Variants in METTL13 observed in about 807,000 individuals in gnomAD.
The protein encoded by METTL13 is methyltransferase 13, eEF1A N-terminus and K55, also known as eEF1A lysine and N-terminal methyltransferase.
Under a neutral mutation model 67.4 loss-of-function variants are expected in METTL13, and 52 were observed. The ratio of observed to expected loss-of-function variants is 0.77; its 90% confidence interval spans 0.62 to 0.97. The LOEUF is 0.97. Ranked by LOEUF, METTL13 falls within the 50% of genes least tolerant of loss-of-function variation. METTL13 has a pLI of 0.00. For synonymous variants in METTL13, 354 were observed against 353.6 expected (o/e 1.00, Z -0.01); for missense variants, 825 against 889.6 (o/e 0.93, Z 0.92).
Position 171,796,551 on chromosome 1 carries a change from C to T in METTL13, c.1895C>T (p.Ala632Val). 6.2e-7 allele frequency: 1 copy of T among 1,614,176 alleles called. No individual in the cohort carries two copies. Among genetic ancestry groups the T allele is most frequent in the Non-Finnish European group, 8.5e-7 (1 of 1,180,046 alleles). Residue 632 changes from alanine to valine, a missense_variant, in exon 8 of 8, where the codon GCA becomes GTA. Coordinates refer to ENST00000361735, the MANE Select transcript of METTL13 (RefSeq NM_015935.5). ...LKDSVLAGLK[A>V]VFPLLYVRRI... ...GACTCAGTGCTGGCTGGGCTCAAGG[C>T]AGTGTTCCCCCTCCTATATGTCCGG...
intron 4 of METTL13, among the ~76,000 whole-genome samples, chr1:171,789,848 T>TGGGGGGGGGGGG (rs1657143949): frequency 1.9e-4 from 19 of 99,302 alleles, no homozygotes; most frequent in East Asian, 4.3e-4. Flanking sequence ...TGGGGCGGGG[T>TGGGGGGGGGGGG]AGGGGGGGCA....
In METTL13 at chr1:171,784,141, A is replaced by C. The variant is rs761295249; in HGVS notation, c.555A>C (p.Gln185His). 2.0e-5 allele frequency: 33 copies of C among 1,614,244 alleles called. No individual in the cohort carries two copies. The East Asian group carries it at 7.4e-4, about 36-fold the overall frequency. ...AGGGGTGGATGGTGAGGGTGCACCAAGTGGCCAACAGCCAGGACCAGGTGT... is the reference window on the plus strand; with the variant it reads ...AGGGGTGGATGGTGAGGGTGCACCACGTGGCCAACAGCCAGGACCAGGTGT... ...SREGWMVRVH[Q>H]VANSQDQVLE... The change falls in exon 2 of 8, where the codon CAA (glutamine) becomes CAC (histidine). Residue 185 changes from glutamine to histidine, a missense_variant. Physicochemically the swap from Gln to His is conservative, Grantham distance 24. Coordinates refer to ENST00000361735, the MANE Select transcript of METTL13 (RefSeq NM_015935.5).
chr1:171,796,845 G>C lies in METTL13; in HGVS notation c.*89G>C. On this transcript the variant is annotated 3_prime_UTR_variant, in exon 8 of 8. Coordinates refer to ENST00000361735, the MANE Select transcript of METTL13 (RefSeq NM_015935.5). ...AAGAAATACAACGCACAGTACTTTTGAAGCTTCGTATTTTTCTTGGTTTCA... is the reference window on the plus strand; with the variant it reads ...AAGAAATACAACGCACAGTACTTTTCAAGCTTCGTATTTTTCTTGGTTTCA... 6.7e-7 allele frequency: 1 copy of C among 1,496,520 alleles called. No individual in the cohort carries two copies. 92.7% of individuals were successfully genotyped at this position (1,496,520 alleles called of 1,614,324 possible).
chr1:171,786,042 G>T lies in METTL13; in HGVS notation c.1077G>T (p.Met359Ile), dbSNP rs2232819. ...HIQAELSARV[M>I]ELAPAGMPTQ... ...AAGCTGAGCTGTCGGCTAGAGTCAT[G>T]GAGCTGGCCCCAGCTGGGATGCCCA... is the stretch of plus-strand genomic sequence containing the variant. The change falls in exon 3 of 8, where the codon ATG becomes ATT. Residue 359 changes from methionine to isoleucine, a missense_variant. By Grantham distance (10) the Met-to-Ile change is conservative (BLOSUM62 1). Transcript: ENST00000361735. The T allele has an allele frequency of 1.7e-5, 27 of 1,613,560 alleles. No homozygotes were observed. The highest frequency in any genetic ancestry group is 2.3e-5 in the Non-Finnish European group (27 of 1,179,822).
At chr1:171,795,440 A>C (rs1657336387) in intron 7 of METTL13, among the ~76,000 whole-genome samples, 1 of 152,218 alleles carries the variant, frequency 6.6e-6, no homozygotes, top group African/African-American at 2.4e-5. Flanking sequence ...ATGCTACCAC[A>C]CAGTTTTACA....
intron 3 of METTL13, 32 bp downstream of exon 3, chr1:171,786,110 C>G (rs770146186): frequency 1.9e-5 from 30 of 1,588,726 alleles, no homozygotes; most frequent in Non-Finnish European, 2.6e-5. Context: ...TTTCATGGGT[C>G]TCTGAAGTCA....
chr1:171,786,148 C>G, intron 3 of METTL13, 70 bp downstream of exon 3: 4 of 1,491,098 alleles, frequency 2.7e-6, no homozygotes, highest in Non-Finnish European at 3.6e-6. Context: ...GCAGAGGGAG[C>G]CTTGGCAGGA....
intron 2 of METTL13, among the ~76,000 whole-genome samples, chr1:171,785,620 C>T (rs1322501217): frequency 6.6e-6 from 1 of 152,224 alleles, no homozygotes; most frequent in Non-Finnish European, 1.5e-5. Flanking sequence ...GGCATTACTG[C>T]TGTTTTTCTT....
chr1:171,783,835 C>T lies in METTL13; in HGVS notation c.249C>T (p.Val83=), dbSNP rs1473385016. Residue 83 remains valine, a synonymous_variant, in exon 2 of 8, where the codon GTC becomes GTT. Transcript: ENST00000361735. ...DIVNIDISEV[V]IKQMKECNAT... ...TGAACATCGACATCAGTGAGGTTGT[C>T]ATCAAGCAAATGAAGGAATGTAATG... The T allele has an allele frequency of 6.2e-7, 1 of 1,614,164 alleles. No homozygotes were observed. The highest frequency in any genetic ancestry group is 1.7e-5 in the Admixed American group (1 of 60,022).
At position 171,794,385 on chromosome 1, in the gene METTL13, C is replaced by G. The variant is rs779734161; in HGVS notation, c.1694-11C>G. The G allele has an allele frequency of 2.5e-6, 4 of 1,614,036 alleles. No individual in the cohort carries two copies. Among genetic ancestry groups the G allele is most frequent in the Non-Finnish European group, 3.4e-6 (4 of 1,179,976 alleles). On this transcript the variant is annotated splice_polypyrimidine_tract_variant and intron_variant, in intron 6 of 7. Coordinates refer to ENST00000361735, the MANE Select transcript of METTL13 (RefSeq NM_015935.5). The stretch of plus-strand genomic sequence containing the variant: ...AGCAAAGACAAGGACTTGTTTCCTT[C>G]TTTTTCCCAGCACGGCCTTGCTACG...
intron 6 of METTL13, 24 bp downstream of exon 6, chr1:171,792,259 G>A (rs778906696): frequency 3.1e-6 from 5 of 1,612,810 alleles, no homozygotes; most frequent in Non-Finnish European, 4.2e-6. Flanking sequence ...AGCATTTGAA[G>A]GGGTGTTGAG....
chr1:171,783,050 C>A (rs1656878388), intron 1 of METTL13, among the ~76,000 whole-genome samples: 1 of 146,310 alleles, frequency 6.8e-6, no homozygotes, highest in Admixed American at 7.0e-5. Context: ...AAACTGAGGC[C>A]CCGAGAGCCA....
chr1:171,796,522 A>G lies in METTL13; in HGVS notation c.1866A>G (p.Leu622=), dbSNP rs1172738606. 5.0e-6 allele frequency: 8 copies of G among 1,614,102 alleles called. No homozygotes were observed. In the African/African-American group the frequency reaches 9.3e-5, roughly 19 times the overall value. The change falls in exon 8 of 8, where the codon CTA becomes CTG. Residue 622 remains leucine (L), a synonymous_variant. Transcript: ENST00000361735. ...ILNLVCRDLG[L]KDSVLAGLKA... ...ACCTTGTGTGCCGAGACTTGGGGCT[A>G]AAAGACTCAGTGCTGGCTGGGCTCA...
intron 1 of METTL13, among the ~76,000 whole-genome samples, chr1:171,783,061 C>CTTT (rs56363000): frequency 0.014 from 1,980 of 138,680 alleles, 37 homozygotes; most frequent in African/African-American, 0.034. Context: ...CCGAGAGCCA[C>CTTT]TTTTTTTTTT....
intron 1 of METTL13, among the ~76,000 whole-genome samples, chr1:171,782,454 G>A (rs891333136): frequency 4.0e-5 from 6 of 151,642 alleles, no homozygotes; most frequent in African/African-American, 1.2e-4. Flanking sequence ...TGTATTTCCA[G>A]CTACTCGGGA....
At chr1:171,785,823 T>C in intron 2 of METTL13, 56 bp from the exon 3 acceptor site, 4 of 1,579,416 alleles carry the variant, frequency 2.5e-6, no homozygotes, top group Non-Finnish European at 3.5e-6. Context: ...TGGGCCATAT[T>C]GGTTGTGGGC....
At position 171,792,213 on chromosome 1, in the gene METTL13, C is replaced by T; in HGVS notation, c.1671C>T (p.Ala557=). The T allele has an allele frequency of 1.9e-6, 3 of 1,614,182 alleles. No homozygotes were observed. Among genetic ancestry groups the T allele is most frequent in the East Asian group, 2.2e-5 (1 of 44,886 alleles). Residue 557 remains alanine (A), a synonymous_variant, in exon 6 of 8, where the codon GCC becomes GCT. Transcript: ENST00000361735. ...TTGCAGATGGCCTGGACTATATCGC[C>T]AGCTTGGCAGGAGGAGGAGAAGGTA... ...VHIADGLDYI[A]SLAGGGEARP...
chr1:171,790,606 G>A lies in METTL13; in HGVS notation c.1464G>A (p.Glu488=). The change falls in exon 5 of 8, where the codon GAG becomes GAA. Residue 488 remains glutamate, a synonymous_variant. Transcript: ENST00000361735. ...IAGLALLRNP[E]LLLEIPLALL... ...GCCTTGCCCTGCTGAGAAACCCAGA[G>A]CTACTCCTAGGTGAGAGAGATGCCA... The A allele has an allele frequency of 6.4e-7, 1 of 1,565,244 alleles. No individual in the cohort carries two copies.
In METTL13 at chr1:171,794,522, C is replaced by A. The variant is rs200909388; in HGVS notation, c.1820C>A (p.Pro607His). 264 of 1,614,026 alleles carry A rather than the reference C, an allele frequency of 1.6e-4. No individual in the cohort carries two copies. The highest frequency in any genetic ancestry group is 1.7e-4 in the Non-Finnish European group (199 of 1,180,032). The part of the protein sequence containing the change: ...FLQKVKSILT[P>H]EGVFILNLVC... ...CAGAAGGTTAAAAGCATCTTGACTCCTGAAGGTATGGAGAACAAAAGGTGG... is the reference window on the plus strand; with the variant it reads ...CAGAAGGTTAAAAGCATCTTGACTCATGAAGGTATGGAGAACAAAAGGTGG... Residue 607 changes from proline to histidine, a missense_variant, in exon 7 of 8, where the codon CCT becomes CAT. Pro to His is a moderately conservative substitution (Grantham distance 77). Coordinates refer to ENST00000361735, the MANE Select transcript of METTL13 (RefSeq NM_015935.5).
Sources: gnomAD v4.1 joint callset for allele counts (sites outside exome capture counted in the v4.1 genomes callset) on GRCh38, gnomAD v4.1.1 for gene constraint, MANE v1.5 for transcripts, NCBI Gene and HGNC (gene_info 2026-07-23, HGNC 2026-07-21) for gene names.